The following ZMIZ1 variants were observed in gnomAD, a reference collection of about 807,000 sequenced individuals.
ZMIZ1 encodes zinc finger MIZ-type containing 1, also known as zinc finger MIZ domain-containing protein 1.
ZMIZ1 carries 17 observed loss-of-function variants against 113.9 expected under a neutral mutation model. The ratio of observed to expected loss-of-function variants is 0.15; its 90% CI spans 0.10 to 0.22. The LOEUF (loss-of-function observed/expected upper bound fraction) is 0.22, where lower values mean the gene tolerates loss of function less well. Among genes scored for constraint, ZMIZ1 ranks in the 10% least tolerant of loss-of-function variants. ZMIZ1 has a pLI of 1.00. For missense variants in ZMIZ1, 1,059 were observed against 1,477.8 expected, an observed-to-expected ratio of 0.72 and a Z score of 4.65; for synonymous variants, 607 against 603.1, an observed-to-expected ratio of 1.01 and a Z score of -0.09.
In ZMIZ1 at chr10:79,221,688, C is replaced by T. The variant is rs200102273; in HGVS notation, c.280+5414C>T. 5.3e-4 allele frequency among the ~76,000 whole-genome samples: 80 copies of T among 152,362 alleles called. No homozygotes were observed. In the East Asian group the frequency reaches 0.012, roughly 22 times the overall value. ...TCGCCATGTCGAGGTCCCCAAGAGCCTTCTGCCTGTCTCAGCTCCTGTCCA... is the reference window on the plus strand; with the variant it reads ...TCGCCATGTCGAGGTCCCCAAGAGCTTTCTGCCTGTCTCAGCTCCTGTCCA... On this transcript the variant is annotated intron_variant, in intron 7 of 24. Transcript: ENST00000334512.
intron 4 of ZMIZ1, among the ~76,000 whole-genome samples, chr10:79,189,682 G>A (rs969476909): frequency 7.9e-5 from 12 of 152,196 alleles, no homozygotes; most frequent in Non-Finnish European, 1.3e-4. Context: ...GGGTCAACTC[G>A]TGAGGTTATA....
At chr10:79,305,677 AG>A (rs1854636917) in intron 21 of ZMIZ1, 76 bp downstream of exon 21, 1 of 1,466,986 alleles carries the variant, frequency 6.8e-7, no homozygotes, top group East Asian at 2.3e-5. Flanking sequence ...GCAGGTGGAT[AG>A]CCCTGACACA....
In ZMIZ1 at chr10:79,272,260, TG is replaced by T. The variant is rs1322336457; in HGVS notation, c.281-4918del. Reference sequence around the variant, plus strand: ...AAGATCGCACCACTGCACTCCAGCCTGGGTGACAGAACAAGACTGTCTCAAA... The same window carrying T: ...AAGATCGCACCACTGCACTCCAGCCTGGTGACAGAACAAGACTGTCTCAAA... On this transcript the variant is annotated intron_variant, in intron 7 of 24. Transcript: ENST00000334512. Among the ~76,000 whole-genome samples the T allele has an allele frequency of 1.3e-4, 19 of 151,926 alleles. 1 individual carries two copies. The highest frequency in any genetic ancestry group is 6.6e-4 in the Admixed American group (10 of 15,252).
intron 6 of ZMIZ1, among the ~76,000 whole-genome samples, chr10:79,212,509 C>T (rs558399233): frequency 6.6e-6 from 1 of 152,214 alleles, no homozygotes; most frequent in Non-Finnish European, 1.5e-5. Context: ...GGCATGGTGG[C>T]TCATGCCTAT....
chr10:79,151,752 G>T (rs575633089), intron 3 of ZMIZ1, among the ~76,000 whole-genome samples: 38 of 152,328 alleles, frequency 2.5e-4, no homozygotes, highest in Admixed American at 5.2e-4. Flanking sequence ...GGGCCCCACT[G>T]CCTCTCCCTC....
intron 1 of ZMIZ1, among the ~76,000 whole-genome samples, chr10:79,073,474 C>T (rs974810340): frequency 6.6e-6 from 1 of 152,226 alleles, no homozygotes. Context: ...GAAGCCTCTG[C>T]CTTCAGTGGG....
intron 5 of ZMIZ1, among the ~76,000 whole-genome samples, chr10:79,204,980 G>A (rs911309433): frequency 6.6e-6 from 1 of 152,048 alleles, no homozygotes; most frequent in African/African-American, 2.4e-5. Flanking sequence ...AGGATGGATG[G>A]ATGGATGGAT....
chr10:79,312,770 T>A lies in ZMIZ1; in HGVS notation c.*21T>A. ...ACTGAGGGCCACCCGGTCGGGGCCA[T>A]CCCTCCACACTCTGCATCCTACCCC... On this transcript the variant is annotated 3_prime_UTR_variant, in exon 25 of 25. Coordinates refer to ENST00000334512, the MANE Select transcript of ZMIZ1 (RefSeq NM_020338.4). The A allele has an allele frequency of 1.2e-6, 2 of 1,608,194 alleles. No homozygotes were observed. Among genetic ancestry groups the A allele is most frequent in the Non-Finnish European group, 1.7e-6 (2 of 1,174,566 alleles).
chr10:79,314,210 CT>C lies in ZMIZ1; in HGVS notation c.*1464del. The C allele has an allele frequency of 4.4e-6, 2 of 457,104 alleles. No individual in the cohort carries two copies. Among genetic ancestry groups the C allele is most frequent in the South Asian group, 3.1e-5 (2 of 64,576 alleles). The allele number at this position is 457,104 out of a possible 1,614,324, so 28.3% of individuals were successfully genotyped here. ...TCCTGGGGAGCCTGTCCTGTGTTCACTTTGTTTCAGGCTGGTCTGTGCCCCG... is the reference window on the plus strand; with the variant it reads ...TCCTGGGGAGCCTGTCCTGTGTTCACTTGTTTCAGGCTGGTCTGTGCCCCG... On this transcript the variant is annotated 3_prime_UTR_variant, in exon 25 of 25. Coordinates refer to ENST00000334512, the MANE Select transcript of ZMIZ1 (RefSeq NM_020338.4).
intron 1 of ZMIZ1, among the ~76,000 whole-genome samples, chr10:79,089,606 A>C (rs979865315): frequency 6.6e-5 from 10 of 152,106 alleles, no homozygotes; most frequent in African/African-American, 2.4e-4. Context: ...GGAGCACTTG[A>C]GGTGCCTGCT....
intron 8 of ZMIZ1, among the ~76,000 whole-genome samples, chr10:79,286,310 C>G (rs1193735734): frequency 6.6e-6 from 1 of 152,248 alleles, no homozygotes; most frequent in African/African-American, 2.4e-5. Flanking sequence ...ACCAGGCATT[C>G]CCCCGGTGGT....
intron 1 of ZMIZ1, among the ~76,000 whole-genome samples, chr10:79,101,577 T>C (rs1381942604): frequency 6.6e-6 from 1 of 152,184 alleles, no homozygotes; most frequent in Non-Finnish European, 1.5e-5. Context: ...TGTATCTTAT[T>C]GGCACGGCCA....
intron 4 of ZMIZ1, among the ~76,000 whole-genome samples, chr10:79,180,601 C>T (rs905946270): frequency 1.3e-5 from 2 of 152,220 alleles, no homozygotes; most frequent in Non-Finnish European, 2.9e-5. Flanking sequence ...CCTCCGAGTC[C>T]CCCAGAGGCG....
intron 4 of ZMIZ1, among the ~76,000 whole-genome samples, chr10:79,165,959 T>TGCGCGCGCGCGTGCGCGCGCGC (rs1564692663): frequency 4.0e-4 from 13 of 32,110 alleles, no homozygotes; most frequent in African/African-American, 1.9e-3. Context: ...TGTGTGTGTG[T>TGCGCGCGCGCGTGCGCGCGCGC]GTGTGTGTGT....
chr10:79,170,734 C>T (rs754887011), intron 4 of ZMIZ1, among the ~76,000 whole-genome samples: 3 of 152,198 alleles, frequency 2.0e-5, no homozygotes, highest in Non-Finnish European at 4.4e-5. Context: ...GCAGAGCCCT[C>T]CCTGTCTTGT....
intron 4 of ZMIZ1, among the ~76,000 whole-genome samples, chr10:79,195,037 C>A (rs2132626875): frequency 2.0e-5 from 3 of 152,298 alleles, no homozygotes; most frequent in Middle Eastern, 6.8e-3. Context: ...GCGTCTTGGC[C>A]TTGGGCTGCC....
At chr10:79,302,051 C>G in intron 17 of ZMIZ1, 56 bp from the exon 18 acceptor site, 1 of 1,573,428 alleles carries the variant, frequency 6.4e-7, no homozygotes, top group South Asian at 1.1e-5. Context: ...AGGCTGCAGG[C>G]AGGGCGGGGT....
At chr10:79,217,625 C>T (rs769637496) in intron 7 of ZMIZ1, among the ~76,000 whole-genome samples, 5 of 152,278 alleles carry the variant, frequency 3.3e-5, no homozygotes, top group South Asian at 2.1e-4. Flanking sequence ...TTCATGAAAA[C>T]GTTGTAAGGA....
chr10:79,216,315 G>A, intron 7 of ZMIZ1, 41 bp downstream of exon 7: 2 of 1,539,246 alleles, frequency 1.3e-6, no homozygotes, highest in Middle Eastern at 3.4e-4. Flanking sequence ...ACTGGGAGGT[G>A]GGGAGGGGAA....
Sources: allele counts gnomAD v4.1 joint callset (sites outside exome capture counted in the v4.1 genomes callset), GRCh38; gene constraint gnomAD v4.1.1; transcripts MANE v1.5; gene names NCBI Gene and HGNC (gene_info 2026-07-23, HGNC 2026-07-21).